DCP1B: variants seen among roughly 807,000 people sequenced by gnomAD.
The protein encoded by DCP1B is decapping mRNA 1B.
A neutral mutation model predicts 60.5 loss-of-function variants in DCP1B; 47 were observed. The observed-to-expected ratio is 0.78, with a 90% CI of 0.61 to 0.99. The LOEUF (loss-of-function observed/expected upper bound fraction) is 0.99. DCP1B is among the 50% of genes least tolerant of loss of function. The pLI, the probability that DCP1B is intolerant of heterozygous loss-of-function variation, is 0.00. For missense variants in DCP1B, 725 were observed against 756.8 expected, an observed-to-expected ratio of 0.96 and a Z score of 0.49; for synonymous variants, 267 against 280.3, an observed-to-expected ratio of 0.95 and a Z score of 0.47.
intron 3 of DCP1B, among the ~76,000 whole-genome samples, chr12:1,978,163 G>A (rs1468181340): frequency 2.0e-5 from 3 of 152,184 alleles, no homozygotes; most frequent in Non-Finnish European, 4.4e-5. Flanking sequence ...GAAAGCAGAT[G>A]TCGCAACCCA....
intron 5 of DCP1B, among the ~76,000 whole-genome samples, chr12:1,956,788 A>G (rs2030901647): frequency 6.6e-6 from 1 of 152,244 alleles, no homozygotes. Flanking sequence ...TTTTGGCATG[A>G]AAAGCCTTGC....
In DCP1B at chr12:2,004,451, T is replaced by G. The variant is rs376554458; in HGVS notation, c.-20A>C. ...TGCCATCTTCCCTCCCTCCCAGACA[T>G]AGGCACGGGGCTCTTGGAAGCCACT... On this transcript the variant is annotated 5_prime_UTR_variant, in exon 1 of 9. The change abolishes an upstream ATG in the 5' untranslated region. Transcript: ENST00000280665. 40 of 1,597,046 alleles carry G rather than the reference T, an allele frequency of 2.5e-5. No individual in the cohort carries two copies. The highest frequency in any genetic ancestry group is 4.5e-5 in the East Asian group (2 of 44,726).
rs1381642378 is a variant in DCP1B at position 1,976,574 on chromosome 12, T to C, written c.320-8664A>G. Among the ~76,000 whole-genome samples, 3 of 152,184 alleles carry C rather than the reference T, an allele frequency of 2.0e-5. No individual in the cohort carries two copies. The South Asian group carries it at 6.2e-4, about 31-fold the overall frequency. On this transcript the variant is annotated intron_variant, in intron 3 of 8. Coordinates refer to ENST00000280665, the MANE Select transcript of DCP1B (RefSeq NM_152640.5). Reference sequence around the variant, plus strand: ...AGTCTACTTTAAGGTCTTGTCTTCCTGGGCAGATCCCGAAGAGAAATGTAT... The same window carrying C: ...AGTCTACTTTAAGGTCTTGTCTTCCCGGGCAGATCCCGAAGAGAAATGTAT...
In DCP1B at chr12:1,965,568, T is replaced by G; in HGVS notation, c.512A>C (p.Glu171Ala). The G allele has an allele frequency of 6.2e-7, 1 of 1,612,834 alleles. No homozygotes were observed. Among genetic ancestry groups the G allele is most frequent in the Non-Finnish European group, 8.5e-7 (1 of 1,179,434 alleles). ...AGGGCAAACACTCACCTTTGTGTAT[T>G]CGTCTTTGGCCTTGATGAGCATTCG... ...ILRMLIKAKD[E>A]YTKCKTCSEP... is the part of the protein sequence containing the mutation. Residue 171 changes from glutamate (E) to alanine (A), a missense_variant, in exon 5 of 9, where the codon GAA becomes GCA. By Grantham distance (107) the Glu-to-Ala change is moderately radical. Coordinates refer to ENST00000280665, the MANE Select transcript of DCP1B (RefSeq NM_152640.5).
intron 2 of DCP1B, among the ~76,000 whole-genome samples, chr12:1,995,028 T>C (rs183015034): frequency 6.8e-4 from 104 of 152,048 alleles, no homozygotes; most frequent in African/African-American, 2.4e-3. Context: ...CATCCCATTC[T>C]TGAGGAGTTA....
At chr12:1,958,469 A>C (rs2030984515) in intron 5 of DCP1B, among the ~76,000 whole-genome samples, 1 of 141,050 alleles carries the variant, frequency 7.1e-6, no homozygotes, top group African/African-American at 2.7e-5. Context: ...CGCTCTGGGC[A>C]ATGGCTTTTT....
intron 2 of DCP1B, among the ~76,000 whole-genome samples, chr12:1,994,718 A>C (rs2040385850): frequency 6.6e-6 from 1 of 152,230 alleles, no homozygotes; most frequent in Non-Finnish European, 1.5e-5. Context: ...TTCATACAAG[A>C]ATGAGAATTT....
chr12:1,981,229 G>A (rs1183399187), intron 3 of DCP1B, among the ~76,000 whole-genome samples: 1 of 152,096 alleles, frequency 6.6e-6, no homozygotes, highest in Non-Finnish European at 1.5e-5. Context: ...TCACTGCTTC[G>A]GGTTTCTACA....
At chr12:1,960,209 C>T (rs6489339) in intron 5 of DCP1B, among the ~76,000 whole-genome samples, 115,402 of 152,126 alleles carry the variant, frequency 0.76, 44,124 homozygotes, top group African/African-American at 0.87. Context: ...TATTCAGCCT[C>T]AAAAAAGAAG....
chr12:1,977,871 T>C (rs749112741), intron 3 of DCP1B, among the ~76,000 whole-genome samples: 1 of 152,214 alleles, frequency 6.6e-6, no homozygotes, highest in African/African-American at 2.4e-5. Context: ...CTTTGGAGCT[T>C]TGGAAGACAA....
At chr12:1,973,317 A>G (rs1020703257) in intron 3 of DCP1B, among the ~76,000 whole-genome samples, 2 of 152,190 alleles carry the variant, frequency 1.3e-5, no homozygotes, top group African/African-American at 4.8e-5. Context: ...TGGGTGACTA[A>G]TACTCATGAA....
Position 1,949,329 on chromosome 12 carries a change from G to C in DCP1B, c.1530C>G (p.Ile510Met). ...CTGTAGCAGGGATGCGCTGAGGTGAGATGACCTGCTCACAGCAAATACACA... is the reference window on the plus strand; with the variant it reads ...CTGTAGCAGGGATGCGCTGAGGTGACATGACCTGCTCACAGCAAATACACA... ...TEQQTPLFQV[I>M]SPQRIPATAA... is the part of the protein sequence containing the mutation. The change falls in exon 8 of 9, where the codon ATC (isoleucine) becomes ATG (methionine). Residue 510 changes from isoleucine to methionine, a missense_variant. Transcript: ENST00000280665. 6.2e-7 allele frequency: 1 copy of C among 1,613,878 alleles called. No individual in the cohort carries two copies. The highest frequency in any genetic ancestry group is 8.5e-7 in the Non-Finnish European group (1 of 1,179,932).
intron 3 of DCP1B, among the ~76,000 whole-genome samples, chr12:1,983,014 A>G (rs1467923139): frequency 2.0e-5 from 3 of 152,020 alleles, no homozygotes; most frequent in Non-Finnish European, 4.4e-5. Flanking sequence ...TGTATTTCTC[A>G]GTGAATTAGT....
chr12:1,979,554 C>G (rs999716676), intron 3 of DCP1B, among the ~76,000 whole-genome samples: 1 of 152,238 alleles, frequency 6.6e-6, no homozygotes, highest in East Asian at 1.9e-4. Flanking sequence ...TCAAGTGATC[C>G]GCCCGCCTCA....
chr12:1,965,312 G>A (rs2031255916), intron 5 of DCP1B, among the ~76,000 whole-genome samples: 1 of 152,100 alleles, frequency 6.6e-6, no homozygotes, highest in Admixed American at 6.5e-5. Flanking sequence ...GAAGGTTATT[G>A]TATACATGAA....
intron 3 of DCP1B, among the ~76,000 whole-genome samples, chr12:1,981,729 CAT>C (rs1367208711): frequency 6.6e-6 from 1 of 152,098 alleles, no homozygotes; most frequent in Admixed American, 6.6e-5. Flanking sequence ...ACATAAAAGA[CAT>C]ATATGCTGCA....
chr12:1,977,517 A>C (rs1185280236), intron 3 of DCP1B, among the ~76,000 whole-genome samples: 1 of 152,212 alleles, frequency 6.6e-6, no homozygotes, highest in Non-Finnish European at 1.5e-5. Flanking sequence ...CTAGAATATA[A>C]GTGATTTGCG....
At chr12:1,992,897 A>C (rs2039803909) in intron 3 of DCP1B, 1 of 505,624 alleles carries the variant, frequency 2.0e-6, no homozygotes, top group South Asian at 3.2e-5. Context: ...GCCATAGCAG[A>C]CTCGTTAATT....
At chr12:1,968,444 C>A (rs1416028925) in intron 3 of DCP1B, among the ~76,000 whole-genome samples, 1 of 151,426 alleles carries the variant, frequency 6.6e-6, no homozygotes, top group Non-Finnish European at 1.5e-5. Context: ...ATTGAAGAAA[C>A]TGTGCTCCGC....
Sources: gnomAD v4.1 joint callset for allele counts (sites outside exome capture counted in the v4.1 genomes callset) on GRCh38, gnomAD v4.1.1 for gene constraint, MANE v1.5 for transcripts, NCBI Gene and HGNC (gene_info 2026-07-23, HGNC 2026-07-21) for gene names.